The following KCNIP1 variants were observed in gnomAD, a reference collection of about 807,000 sequenced individuals.
KCNIP1 encodes the protein potassium voltage-gated channel interacting protein 1, also known as A-type potassium channel modulatory protein KCNIP1.
A neutral mutation model predicts 33.0 loss-of-function variants in KCNIP1; 18 were observed. That is an observed-to-expected ratio of 0.55 (90% CI 0.38 to 0.81). The LOEUF (loss-of-function observed/expected upper bound fraction) is 0.81, where lower values mean the gene tolerates loss of function less well. KCNIP1 is among the 30% of genes least tolerant of loss of function. KCNIP1 has a pLI of 0.00. For missense variants in KCNIP1, 238 were observed against 271.6 expected (o/e 0.88, Z 0.87); for synonymous variants, 93 against 98.3 (o/e 0.95, Z 0.32).
At chr5:170,723,431 C>T (rs943638965) in intron 5 of KCNIP1, among the ~76,000 whole-genome samples, 6 of 152,098 alleles carry the variant, frequency 3.9e-5, no homozygotes, top group Non-Finnish European at 1.5e-5. Context: ...CTTTGGTATC[C>T]ACTGTATCCT....
intron 1 of KCNIP1, among the ~76,000 whole-genome samples, chr5:170,539,133 C>G (rs150882811): frequency 3.3e-4 from 50 of 152,270 alleles, no homozygotes; most frequent in African/African-American, 1.1e-3. Context: ...AAACTCATCT[C>G]TAGTCTACAC....
intron 1 of KCNIP1, among the ~76,000 whole-genome samples, chr5:170,616,056 G>T (rs1212469765): frequency 1.3e-5 from 2 of 152,162 alleles, no homozygotes; most frequent in African/African-American, 4.8e-5. Flanking sequence ...ACTTGATAGG[G>T]CTTTAAATAT....
chr5:170,379,077 T>C, intron 1 of KCNIP1: 3 of 1,361,130 alleles, frequency 2.2e-6, no homozygotes, highest in Non-Finnish European at 1.0e-6. Context: ...GTCGGGCCCC[T>C]GGATTGGAGT....
chr5:170,647,373 C>T lies in KCNIP1; in HGVS notation c.62-71385C>T, dbSNP rs538893940. Among the ~76,000 whole-genome samples, 50 of 152,152 alleles carry T rather than the reference C, an allele frequency of 3.3e-4. 2 individuals carry two copies. The highest frequency in any genetic ancestry group is 3.4e-3 in the Middle Eastern group (1 of 294). On this transcript the variant is annotated intron_variant, in intron 1 of 7. Coordinates refer to ENST00000328939, the MANE Select transcript of KCNIP1 (RefSeq NM_014592.4). Reference sequence around the variant, plus strand: ...AGGATTGACACAACCTGATTCAAGACTAACTCTAAAGCCATGATAATAAAG... The same window carrying T: ...AGGATTGACACAACCTGATTCAAGATTAACTCTAAAGCCATGATAATAAAG...
In KCNIP1 at chr5:170,690,434, G is replaced by A. The variant is rs76484469; in HGVS notation, c.62-28324G>A. On this transcript the variant is annotated intron_variant, in intron 1 of 7. Transcript: ENST00000328939. ...CCTAGAGTTCTCCTGATATTTCAAA[G>A]AATTTCCAAGAATAGGGAAATCTCC... Among the ~76,000 whole-genome samples, 56 of 152,264 alleles carry A rather than the reference G, an allele frequency of 3.7e-4. 1 individual carries two copies. In the East Asian group the frequency reaches 9.8e-3, roughly 27 times the overall value.
At chr5:170,495,043 T>G (rs919247571) in intron 1 of KCNIP1, among the ~76,000 whole-genome samples, 5 of 152,228 alleles carry the variant, frequency 3.3e-5, no homozygotes, top group African/African-American at 1.2e-4. Flanking sequence ...TTACTTTGCT[T>G]ACTGCTTCAA....
At chr5:170,642,047 C>G (rs1445721115) in intron 1 of KCNIP1, 1 of 152,288 alleles carries the variant, frequency 6.6e-6, no homozygotes, top group Non-Finnish European at 1.5e-5. Flanking sequence ...GGTTTAGACT[C>G]CAATTACCTG....
chr5:170,472,831 T>C (rs764528302), intron 1 of KCNIP1, among the ~76,000 whole-genome samples: 15 of 152,264 alleles, frequency 9.9e-5, no homozygotes, highest in Non-Finnish European at 1.8e-4. Flanking sequence ...CACTCGTTGA[T>C]TGATGGACAT....
rs2113610456 is a variant in KCNIP1 at position 170,608,914 on chromosome 5, C to T, written c.61+104281C>T. ...TAAAAGTCCAAGTGGGAAGCACAGT[C>T]CCGGGCGGAGGCAGGGAAGGCTATC... On this transcript the variant is annotated intron_variant, in intron 1 of 7. Transcript: ENST00000328939. Among the ~76,000 whole-genome samples, 3 of 152,306 alleles carry T rather than the reference C, an allele frequency of 2.0e-5. 1 individual carries two copies. Among genetic ancestry groups the T allele is most frequent in the Admixed American group, 2.0e-4 (3 of 15,304 alleles).
chr5:170,700,305 C>A (rs1039498471), intron 1 of KCNIP1, among the ~76,000 whole-genome samples: 1 of 152,116 alleles, frequency 6.6e-6, no homozygotes, highest in East Asian at 1.9e-4. Context: ...CGCATGGTAA[C>A]CCATACCTTT....
chr5:170,715,790 T>G (rs1763625302), intron 1 of KCNIP1, among the ~76,000 whole-genome samples: 2 of 152,248 alleles, frequency 1.3e-5, no homozygotes, highest in African/African-American at 4.8e-5. Flanking sequence ...CATTCAAACT[T>G]AAGTCTGACT....
intron 1 of KCNIP1, among the ~76,000 whole-genome samples, chr5:170,354,558 C>T (rs1043726413): frequency 1.3e-5 from 2 of 152,206 alleles, no homozygotes; most frequent in Admixed American, 1.3e-4. Context: ...ACATTTCATG[C>T]CTATGTCCAT....
rs573405749 is a variant in KCNIP1, at chr5:170,379,389, C to G, written c.88+25425C>G. Among the ~76,000 whole-genome samples the G allele has an allele frequency of 3.3e-5, 5 of 152,286 alleles. 1 individual carries two copies. In the South Asian group the frequency reaches 1.0e-3, roughly 32 times the overall value. On this transcript the variant is annotated intron_variant, in intron 1 of 7. Transcript: ENST00000377360. ...TATCTAAGGAAACCAGGGAGGGACA[C>G]AGGCCAAGTGGGCTGTGTATTTGAA...
At chr5:170,565,015 C>A (rs1416096499) in intron 1 of KCNIP1, among the ~76,000 whole-genome samples, 3 of 152,098 alleles carry the variant, frequency 2.0e-5, no homozygotes, top group Non-Finnish European at 4.4e-5. Context: ...AATTTTACTT[C>A]CGTACATTTT....
chr5:170,383,864 A>C, intron 1 of KCNIP1: 2 of 1,612,824 alleles, frequency 1.2e-6, no homozygotes, highest in Non-Finnish European at 1.7e-6. Context: ...AGGAGACCAC[A>C]CACATGCACA....
chr5:170,668,001 A>T lies in KCNIP1; in HGVS notation c.62-50757A>T, dbSNP rs183322010. The stretch of plus-strand genomic sequence containing the variant: ...GGGCTCATACGTCCATCCCCAAACC[A>T]ATCACAGTGACTGAGGGATTATCCA... On this transcript the variant is annotated intron_variant, in intron 1 of 7. Transcript: ENST00000328939. Among the ~76,000 whole-genome samples the T allele has an allele frequency of 1.4e-4, 22 of 152,332 alleles. No individual in the cohort carries two copies. In the East Asian group the frequency reaches 3.3e-3, roughly 23 times the overall value.
chr5:170,505,797 G>A (rs190310886), intron 1 of KCNIP1, among the ~76,000 whole-genome samples: 2 of 152,330 alleles, frequency 1.3e-5, no homozygotes, highest in South Asian at 2.1e-4. Context: ...GCTGAGCCCC[G>A]AGGAAAGAGA....
chr5:170,679,422 A>G (rs901445972), intron 1 of KCNIP1, among the ~76,000 whole-genome samples: 6 of 152,304 alleles, frequency 3.9e-5, no homozygotes, highest in Non-Finnish European at 7.4e-5. Context: ...TATGTAGACT[A>G]TGTCTCCCTT....
In KCNIP1 at chr5:170,441,459, C is replaced by T. The variant is rs888993320; in HGVS notation, c.88+87495C>T. On this transcript the variant is annotated intron_variant, in intron 1 of 7. Coordinates refer to the KCNIP1 transcript ENST00000377360. The stretch of plus-strand genomic sequence containing the variant: ...TGAGCCTCTGGTGCCCATGTGCCCA[C>T]GTGCAGGGTTTGTATCTTTGTGCAC... Among the ~76,000 whole-genome samples the T allele has an allele frequency of 3.3e-5, 5 of 152,132 alleles. No individual in the cohort carries two copies. In the South Asian group the frequency reaches 6.2e-4, roughly 19 times the overall value.
Sources: gnomAD v4.1 joint callset for allele counts (sites outside exome capture counted in the v4.1 genomes callset) on GRCh38, gnomAD v4.1.1 for gene constraint, MANE v1.5 for transcripts, NCBI Gene and HGNC (gene_info 2026-07-23, HGNC 2026-07-21) for gene names.